The following CYBC1 variants were observed in gnomAD, a reference collection of about 807,000 sequenced individuals.
CYBC1 encodes the protein essential for reactive oxygen species protein.
A neutral mutation model predicts 21.7 loss-of-function variants in CYBC1; 22 were observed. That is an observed-to-expected ratio of 1.02 (90% confidence interval 0.73 to 1.45). The LOEUF is 1.45. Among genes scored for constraint, CYBC1 ranks in the 40% most tolerant of loss-of-function variants. CYBC1 has a pLI of 0.00. For synonymous variants in CYBC1, 112 were observed against 98.7 expected, an observed-to-expected ratio of 1.13 and a Z score of -0.80; for missense variants, 237 against 242.1, an observed-to-expected ratio of 0.98 and a Z score of 0.14.
Position 82,446,689 on chromosome 17 carries a change from C to G in CYBC1, c.135G>C (p.Leu45=). Reference sequence around the variant, plus strand: ...CTGTGACGTAGAAGAGCTTCCAGCCCAGGCTATCTGGAGATGGGCATAGGG... The same window carrying G: ...CTGTGACGTAGAAGAGCTTCCAGCCGAGGCTATCTGGAGATGGGCATAGGG... ...LAAAYYSGDS[L]GWKLFYVTGC... is the part of the protein sequence containing the mutation. The change falls in exon 4 of 7, where the codon CTG becomes CTC. Residue 45 remains leucine, a synonymous_variant. Transcript: ENST00000306645. 2 of 1,614,022 alleles carry G rather than the reference C, an allele frequency of 1.2e-6. No homozygotes were observed. The highest frequency in any genetic ancestry group is 1.7e-6 in the Non-Finnish European group (2 of 1,180,004).
chr17:82,443,688 CTGT>C lies in CYBC1; in HGVS notation c.*313_*315del. The C allele has an allele frequency of 2.6e-6, 2 of 770,434 alleles. No homozygotes were observed. Among genetic ancestry groups the C allele is most frequent in the South Asian group, 2.7e-5 (2 of 74,690 alleles). 47.7% of individuals were successfully genotyped at this position (770,434 alleles called of 1,614,324 possible). A position where few individuals can be genotyped will look rare whatever the true frequency, so the allele number is the denominator to read the frequency against. On this transcript the variant is annotated 3_prime_UTR_variant, in exon 7 of 7. Coordinates refer to ENST00000306645, the MANE Select transcript of CYBC1 (RefSeq NM_001033046.4). The surrounding 1 kb of genome is among the most constrained non-coding windows in gnomAD (Gnocchi z 6.7). ...AGTCTGGATGTCCTGGTCTGGCCTG[CTGT>C]TTCATGCAGTGTGCAAGCAGCAGCA...
chr17:82,443,334 G>C lies in CYBC1; in HGVS notation c.*670C>G, dbSNP rs2054080824. ...CCTTTCTGTGACGACCGCTGGGGCA[G>C]AGTGGTCTATGCGCCGAGATCCTGG... is the stretch of plus-strand genomic sequence containing the variant. On this transcript the variant is annotated 3_prime_UTR_variant, in exon 7 of 7. Transcript: ENST00000306645. This position sits in a 1 kb window ranked among gnomAD's most constrained non-coding sequence, Gnocchi z 6.7. 1 of 422,258 alleles carries C rather than the reference G, an allele frequency of 2.4e-6. No homozygotes were observed. The highest frequency in any genetic ancestry group is 4.5e-6 in the Non-Finnish European group (1 of 222,428). 26.2% of individuals were successfully genotyped at this position (422,258 alleles called of 1,614,324 possible).
At chr17:82,447,498 A>G (rs2054378030) in intron 3 of CYBC1, 82 bp downstream of exon 3, 1 of 1,254,470 alleles carries the variant, frequency 8.0e-7, no homozygotes, top group Admixed American at 2.0e-5. Context: ...ATGGACAGTC[A>G]CAAATGACAG....
Position 82,443,382 on chromosome 17 carries a change from T to G in CYBC1, c.*622A>C. 1 of 500,616 alleles carries G rather than the reference T, an allele frequency of 2.0e-6. No homozygotes were observed. 31.0% of individuals were successfully genotyped at this position (500,616 alleles called of 1,614,324 possible). Reference sequence around the variant, plus strand: ...TGGCATCAGCAAGGGAGGCGGGTCCTCGGGGAGGGGCAGCTTCCACAGTGT... The same window carrying G: ...TGGCATCAGCAAGGGAGGCGGGTCCGCGGGGAGGGGCAGCTTCCACAGTGT... On this transcript the variant is annotated 3_prime_UTR_variant, in exon 7 of 7. Transcript: ENST00000306645. This position sits in a 1 kb window ranked among gnomAD's most constrained non-coding sequence, Gnocchi z 6.7.
At position 82,444,558 on chromosome 17, in the gene CYBC1, C is replaced by G. The variant is rs747100688; in HGVS notation, c.332G>C (p.Ser111Thr). 2 of 1,613,596 alleles carry G rather than the reference C, an allele frequency of 1.2e-6. No homozygotes were observed. Among genetic ancestry groups the G allele is most frequent in the Non-Finnish European group, 8.5e-7 (1 of 1,179,772 alleles). The change falls in exon 6 of 7, where the codon AGC becomes ACC. Residue 111 changes from serine to threonine, a missense_variant. By Grantham distance (58) the Ser-to-Thr change is moderately conservative (BLOSUM62 1). Transcript: ENST00000306645. The stretch of plus-strand genomic sequence containing the variant: ...GTACCGGACCTTCTCCTCCTCCACG[C>G]TCACATCACGGACATCATGGAGCAG... Reference protein sequence around the residue: ...VVLLHDVRDVSVEEEKVRYFG... With the variant: ...VVLLHDVRDVTVEEEKVRYFG...
intron 2 of CYBC1, chr17:82,447,889 G>A: frequency 1.7e-6 from 1 of 579,448 alleles, no homozygotes; most frequent in Non-Finnish European, 3.1e-6. Flanking sequence ...GAGCTCAGGA[G>A]TTTGAGACCA....
chr17:82,444,812 C>T lies in CYBC1; in HGVS notation c.299-221G>A, dbSNP rs1057377820. 5.5e-5 allele frequency: 31 copies of T among 559,782 alleles called. 1 individual carries two copies. Among genetic ancestry groups the T allele is most frequent in the South Asian group, 2.4e-4 (10 of 41,226 alleles). The allele number at this position is 559,782 out of a possible 1,614,324, so 34.7% of individuals were successfully genotyped here. A position where few individuals can be genotyped will look rare whatever the true frequency, so the allele number is the denominator to read the frequency against. Reference sequence around the variant, plus strand: ...AGGACGTGCCCGCGGTGCAGGCTGGCGGGTCACATGCACAGCCCGCTGGTT... The same window carrying T: ...AGGACGTGCCCGCGGTGCAGGCTGGTGGGTCACATGCACAGCCCGCTGGTT... On this transcript the variant is annotated intron_variant, in intron 5 of 6. Coordinates refer to ENST00000306645, the MANE Select transcript of CYBC1 (RefSeq NM_001033046.4).
chr17:82,445,669 C>CTGAGCAGG lies in CYBC1; in HGVS notation c.298+187_298+194dup, dbSNP rs1245702741. 7.3e-6 allele frequency: 4 copies of CTGAGCAGG among 545,384 alleles called. No individual in the cohort carries two copies. In the East Asian group the frequency reaches 1.3e-4, roughly 18 times the overall value. 33.8% of individuals were successfully genotyped at this position (545,384 alleles called of 1,614,324 possible). On this transcript the variant is annotated intron_variant, in intron 5 of 6. Coordinates refer to ENST00000306645, the MANE Select transcript of CYBC1 (RefSeq NM_001033046.4). ...GAACCCAGGAGGCTCTAGGACCCTG[C>CTGAGCAGG]TGAGCAGGTGAGCAGGTGGGGCGTA...
At chr17:82,448,294 G>T (rs112972132) in intron 2 of CYBC1, 1 of 164,274 alleles carries the variant, frequency 6.1e-6, no homozygotes, top group African/African-American at 2.4e-5. Flanking sequence ...GGGAGGAGGA[G>T]ACATGGGAAC....
At chr17:82,449,433 G>T in intron 1 of CYBC1, 141 bp from the exon 2 acceptor site, 1 of 465,696 alleles carries the variant, frequency 2.1e-6, no homozygotes, top group South Asian at 4.3e-5. Context: ...AGTCTCACCT[G>T]GTCTCTGTGG....
intron 4 of CYBC1, among the ~76,000 whole-genome samples, chr17:82,446,304 C>T (rs1332110145): frequency 5.3e-5 from 8 of 152,182 alleles, no homozygotes; most frequent in Non-Finnish European, 1.0e-4. Flanking sequence ...ATGAGGGGCT[C>T]CGAGGTGGGA....
intron 3 of CYBC1, chr17:82,447,120 G>A (rs1388411080): frequency 1.0e-5 from 3 of 296,158 alleles, no homozygotes; most frequent in African/African-American, 4.5e-5. Flanking sequence ...TTGGGAGGCC[G>A]AGGCGGGCGG....
intron 3 of CYBC1, chr17:82,446,958 T>C (rs1025251085): frequency 1.8e-6 from 1 of 550,332 alleles, no homozygotes; most frequent in Non-Finnish European, 3.3e-6. Flanking sequence ...GCCCAGTGAT[T>C]GTGGCAGGGT....
chr17:82,450,074 G>T (rs4789688), intron 1 of CYBC1: 17,239 of 152,220 alleles, frequency 0.11, 1,110 homozygotes, highest in Non-Finnish European at 0.13. Context: ...TTGAGTCACG[G>T]AGTTCAAGAC....
Position 82,443,171 on chromosome 17 carries a change from A to G in CYBC1, c.*833T>C. The G allele has an allele frequency of 4.0e-6, 1 of 252,916 alleles. No homozygotes were observed. The highest frequency in any genetic ancestry group is 7.9e-6 in the Non-Finnish European group (1 of 126,394). The allele number at this position is 252,916 out of a possible 1,614,324, so 15.7% of individuals were successfully genotyped here. ...AGCAATCCTCCCACCTCGGCCTCCG[A>G]AAGTGCTGGGATTACTGGCATGAAC... On this transcript the variant is annotated 3_prime_UTR_variant, in exon 7 of 7. Transcript: ENST00000306645. The surrounding 1 kb of genome is among the most constrained non-coding windows in gnomAD (Gnocchi z 6.7).
chr17:82,442,788 C>T lies in CYBC1; in HGVS notation c.*1216G>A, dbSNP rs965436766. The T allele has an allele frequency of 4.6e-5, 26 of 564,122 alleles. No homozygotes were observed. Among genetic ancestry groups the T allele is most frequent in the Admixed American group, 2.6e-4 (8 of 31,046 alleles). 34.9% of individuals were successfully genotyped at this position (564,122 alleles called of 1,614,324 possible). A position where few individuals can be genotyped will look rare whatever the true frequency, so the allele number is the denominator to read the frequency against. On this transcript the variant is annotated 3_prime_UTR_variant, in exon 7 of 7. Transcript: ENST00000306645. The surrounding 1 kb of genome is among the most constrained non-coding windows in gnomAD (Gnocchi z 6.8). Reference sequence around the variant, plus strand: ...GACGTGGGGCAAAGGTGTTCCCTGTCCTACCCAGCCATTCCTGGGCCTGCC... The same window carrying T: ...GACGTGGGGCAAAGGTGTTCCCTGTTCTACCCAGCCATTCCTGGGCCTGCC...
intron 5 of CYBC1, chr17:82,445,513 A>C: frequency 5.4e-6 from 1 of 184,908 alleles, no homozygotes; most frequent in South Asian, 1.0e-4. Context: ...GGCAGACGGG[A>C]GAATGCAGCT....
In CYBC1 at chr17:82,443,832, G is replaced by A. The variant is rs751929954; in HGVS notation, c.*172C>T. ...GAATGTGCCACGGGTCCTGTGGGCG[G>A]TGCACGGGCTCAGGCACACCGGGAA... On this transcript the variant is annotated 3_prime_UTR_variant, in exon 7 of 7. Coordinates refer to ENST00000306645, the MANE Select transcript of CYBC1 (RefSeq NM_001033046.4). The surrounding 1 kb of genome is among the most constrained non-coding windows in gnomAD (Gnocchi z 6.7). The A allele has an allele frequency of 2.1e-5, 13 of 619,802 alleles. No individual in the cohort carries two copies. Among genetic ancestry groups the A allele is most frequent in the Admixed American group, 8.8e-5 (3 of 34,102 alleles). 38.4% of individuals were successfully genotyped at this position (619,802 alleles called of 1,614,324 possible).
intron 5 of CYBC1, chr17:82,445,490 C>G (rs773836410): frequency 8.8e-5 from 16 of 181,640 alleles, no homozygotes; most frequent in Non-Finnish European, 1.8e-4. Flanking sequence ...CACCTGCGGA[C>G]AAGTGGCTGC....
Sources: allele counts gnomAD v4.1 joint callset (sites outside exome capture counted in the v4.1 genomes callset), GRCh38; gene constraint gnomAD v4.1.1; non-coding constraint Gnocchi (gnomAD v3.1); transcripts MANE v1.5; gene names NCBI Gene and HGNC (gene_info 2026-07-23, HGNC 2026-07-21).